The following WDR72 variants were observed in gnomAD, a reference collection of about 807,000 sequenced individuals.
WDR72 encodes the protein WD repeat-containing protein 72.
A neutral mutation model predicts 124.2 loss-of-function variants in WDR72; 120 were observed. That is an observed-to-expected ratio of 0.97 (90% CI 0.83 to 1.12). The LOEUF (loss-of-function observed/expected upper bound fraction) is 1.12, where lower values mean the gene tolerates loss of function less well. WDR72 is among the 50% of genes most tolerant of loss of function. The probability of loss-of-function intolerance (pLI) is 0.00; values close to 1 mark genes in which losing one functional copy is unlikely to be tolerated. For synonymous variants in WDR72, 452 were observed against 441.7 expected, an observed-to-expected ratio of 1.02 and a Z score of -0.29; for missense variants, 1,387 against 1,278.8, an observed-to-expected ratio of 1.08 and a Z score of -1.29.
Position 53,716,541 on chromosome 15 carries a change from T to C in WDR72, c.339+66A>G, listed in dbSNP as rs2017712724. Reference sequence around the variant, plus strand: ...CTCCAAAGATGTTTCTTTAGAAGTGTATTTGCAAATGCCCTAAACAAGTTG... The same window carrying C: ...CTCCAAAGATGTTTCTTTAGAAGTGCATTTGCAAATGCCCTAAACAAGTTG... On this transcript the variant is annotated intron_variant, in intron 4 of 19. Coordinates refer to ENST00000360509, the MANE Select transcript of WDR72 (RefSeq NM_182758.4). The C allele has an allele frequency of 8.8e-6, 9 of 1,022,640 alleles. No homozygotes were observed. The South Asian group carries it at 1.0e-4, about 11-fold the overall frequency. The allele number at this position is 1,022,640 out of a possible 1,614,324, so 63.3% of individuals were successfully genotyped here.
At chr15:53,540,735 G>A (rs991577554) in intron 18 of WDR72, among the ~76,000 whole-genome samples, 12 of 152,162 alleles carry the variant, frequency 7.9e-5, no homozygotes, top group Non-Finnish European at 1.5e-4. Context: ...TGAGGTACCG[G>A]GTTCATCTCA....
intron 14 of WDR72, among the ~76,000 whole-genome samples, chr15:53,647,050 C>G (rs1312830080): frequency 6.6e-6 from 1 of 152,042 alleles, no homozygotes; most frequent in Non-Finnish European, 1.5e-5. Context: ...CAGTAGAAAG[C>G]TTAGTAAGTC....
At chr15:53,707,161 T>A (rs1425423345) in intron 9 of WDR72, among the ~76,000 whole-genome samples, 1 of 152,204 alleles carries the variant, frequency 6.6e-6, no homozygotes, top group East Asian at 1.9e-4. Flanking sequence ...AGGAAAGTGA[T>A]GCTTCCTAGT....
chr15:53,543,858 A>C (rs952260121), intron 18 of WDR72, among the ~76,000 whole-genome samples: 1 of 152,222 alleles, frequency 6.6e-6, no homozygotes, highest in African/African-American at 2.4e-5. Context: ...AGAGTACTAC[A>C]AACACCTCTA....
intron 14 of WDR72, among the ~76,000 whole-genome samples, chr15:53,632,667 G>A: frequency 6.6e-6 from 1 of 152,246 alleles, no homozygotes; most frequent in East Asian, 1.9e-4. Flanking sequence ...ACCCTGGGAA[G>A]CCACAGGGGT....
At chr15:53,563,373 A>C (rs1253840947) in intron 18 of WDR72, among the ~76,000 whole-genome samples, 2 of 151,816 alleles carry the variant, frequency 1.3e-5, no homozygotes, top group Non-Finnish European at 2.9e-5. Flanking sequence ...TTCACTTACG[A>C]CTTCAGTGAC....
chr15:53,571,986 T>TC (rs1396836049), intron 18 of WDR72, among the ~76,000 whole-genome samples: 3 of 152,190 alleles, frequency 2.0e-5, no homozygotes, highest in African/African-American at 7.2e-5. Flanking sequence ...GAACATTTTT[T>TC]CATATACCTG....
intron 14 of WDR72, among the ~76,000 whole-genome samples, chr15:53,644,462 C>T (rs1377153794): frequency 4.6e-5 from 7 of 152,040 alleles, no homozygotes; most frequent in African/African-American, 1.4e-4. Context: ...TTACAAAGAG[C>T]TGTGCTCATA....
At chr15:53,535,976 G>A (rs1383586618) in intron 18 of WDR72, among the ~76,000 whole-genome samples, 3 of 152,090 alleles carry the variant, frequency 2.0e-5, no homozygotes, top group Non-Finnish European at 4.4e-5. Context: ...GCATATCCTA[G>A]GATGCCTGCC....
intron 14 of WDR72, among the ~76,000 whole-genome samples, chr15:53,646,645 G>C (rs751749557): frequency 1.8e-4 from 28 of 152,112 alleles, no homozygotes; most frequent in African/African-American, 2.9e-4. Context: ...ACAACCACAA[G>C]TGTGTCTCCA....
chr15:53,593,346 C>T (rs1341599888), intron 18 of WDR72, among the ~76,000 whole-genome samples: 1 of 152,058 alleles, frequency 6.6e-6, no homozygotes, highest in Non-Finnish European at 1.5e-5. Context: ...TGGATAACAG[C>T]ACAGTATTTA....
At chr15:53,753,027 G>T (rs750088487) in intron 1 of WDR72, among the ~76,000 whole-genome samples, 34 of 152,146 alleles carry the variant, frequency 2.2e-4, no homozygotes, top group Non-Finnish European at 3.7e-4. Context: ...AAAGTAGGTT[G>T]GTAGAAGCAT....
intron 18 of WDR72, among the ~76,000 whole-genome samples, chr15:53,572,367 T>G (rs1048400309): frequency 2.0e-5 from 3 of 152,160 alleles, no homozygotes; most frequent in African/African-American, 7.2e-5. Flanking sequence ...TGTGTTTAAG[T>G]CTTTAATCCA....
chr15:53,682,735 T>C (rs1229219410), intron 13 of WDR72, among the ~76,000 whole-genome samples: 1 of 152,194 alleles, frequency 6.6e-6, no homozygotes, highest in Non-Finnish European at 1.5e-5. Flanking sequence ...CAACATATAC[T>C]TCCTGTCTTC....
At chr15:53,607,831 A>T (rs1163348982) in intron 17 of WDR72, among the ~76,000 whole-genome samples, 3 of 152,118 alleles carry the variant, frequency 2.0e-5, no homozygotes, top group Non-Finnish European at 2.9e-5. Context: ...ACAATCCAAT[A>T]AAAAAATGGC....
At chr15:53,562,382 A>G (rs1330018555) in intron 18 of WDR72, among the ~76,000 whole-genome samples, 1 of 151,748 alleles carries the variant, frequency 6.6e-6, no homozygotes, top group Non-Finnish European at 1.5e-5. Flanking sequence ...GTGGACCTCA[A>G]AGTTTAGTGT....
chr15:53,670,253 GAT>G (rs2015939699), intron 13 of WDR72, among the ~76,000 whole-genome samples: 1 of 152,080 alleles, frequency 6.6e-6, no homozygotes, highest in Non-Finnish European at 1.5e-5. Flanking sequence ...CATAAGAAAA[GAT>G]AGCTTAAAGC....
At chr15:53,612,121 CTTATT>C (rs1180290070) in intron 16 of WDR72, among the ~76,000 whole-genome samples, 1 of 152,116 alleles carries the variant, frequency 6.6e-6, no homozygotes, top group Non-Finnish European at 1.5e-5. Context: ...AGCCATCTAT[CTTATT>C]TATCTCCAAA....
chr15:53,596,794 G>C (rs914872608), intron 18 of WDR72, among the ~76,000 whole-genome samples: 1 of 152,150 alleles, frequency 6.6e-6, no homozygotes, highest in Non-Finnish European at 1.5e-5. Flanking sequence ...CTCAGCTCTT[G>C]AAGAGATGAT....
Sources: gnomAD v4.1 joint callset for allele counts (sites outside exome capture counted in the v4.1 genomes callset) on GRCh38, gnomAD v4.1.1 for gene constraint, MANE v1.5 for transcripts, NCBI Gene and HGNC (gene_info 2026-07-23, HGNC 2026-07-21) for gene names.